The following ABCA12 variants were observed in gnomAD, a reference collection of about 807,000 sequenced individuals.
ABCA12 encodes the protein glucosylceramide transporter ABCA12.
In ABCA12, 156 loss-of-function variants were observed where a neutral mutation model predicts 293.5. That is an observed-to-expected ratio of 0.53 (90% CI 0.47 to 0.61). The LOEUF (loss-of-function observed/expected upper bound fraction) is 0.61. Among genes scored for constraint, ABCA12 ranks in the 20% least tolerant of loss-of-function variants. The pLI is 0.00. For synonymous variants in ABCA12, 1,063 were observed against 1,108.0 expected (o/e 0.96, Z 0.81); for missense variants, 2,797 against 3,090.2 (o/e 0.91, Z 2.25).
At chr2:214,948,574 A>T in intron 47 of ABCA12, 22 bp downstream of exon 47, 2 of 1,613,194 alleles carry the variant, frequency 1.2e-6, no homozygotes, top group Non-Finnish European at 1.7e-6. Context: ...CAAATTAAGT[A>T]ATTTTTCACA....
intron 11 of ABCA12, chr2:215,022,402 T>G (rs1700650074): frequency 1.3e-5 from 2 of 152,208 alleles, no homozygotes; most frequent in Admixed American, 1.3e-4. Context: ...GAGAAGCATA[T>G]CCACCAAGGA....
At chr2:214,988,146 A>G (rs1699827781) in intron 26 of ABCA12, among the ~76,000 whole-genome samples, 1 of 152,200 alleles carries the variant, frequency 6.6e-6, no homozygotes, top group African/African-American at 2.4e-5. Flanking sequence ...AAAAGCCACA[A>G]TTTAATCCCC....
intron 41 of ABCA12, among the ~76,000 whole-genome samples, chr2:214,957,864 G>C (rs983721257): frequency 4.6e-5 from 7 of 152,162 alleles, no homozygotes; most frequent in Non-Finnish European, 8.8e-5. Context: ...TTATAAGCTT[G>C]ATTGTTTGGC....
chr2:215,001,090 A>C, intron 21 of ABCA12, 70 bp from the exon 22 acceptor site: 1 of 1,475,356 alleles, frequency 6.8e-7, no homozygotes, highest in Non-Finnish European at 9.4e-7. Flanking sequence ...TTTGGAGAGT[A>C]CACAGAGGGG....
In ABCA12 at chr2:215,011,549, G is replaced by A; in HGVS notation, c.2222C>T (p.Ala741Val). Residue 741 changes from alanine (A) to valine (V), a missense_variant, in exon 17 of 53, where the codon GCC becomes GTC. Coordinates refer to ENST00000272895, the MANE Select transcript of ABCA12 (RefSeq NM_173076.3). ...SQGITTEYLT[A>V]MLPSSQRPKG... is the part of the protein sequence containing the mutation. ...TGGCCTCTGGGAAGAGGGCAGCATGGCAGTTAAATATTCAGTGGTAATTCC... is the reference window on the plus strand; with the variant it reads ...TGGCCTCTGGGAAGAGGGCAGCATGACAGTTAAATATTCAGTGGTAATTCC... 1.2e-6 allele frequency: 2 copies of A among 1,614,056 alleles called. No homozygotes were observed. Among genetic ancestry groups the A allele is most frequent in the Non-Finnish European group, 1.7e-6 (2 of 1,179,932 alleles).
intron 2 of ABCA12, among the ~76,000 whole-genome samples, chr2:215,094,316 C>G (rs1250777996): frequency 6.6e-6 from 1 of 152,182 alleles, no homozygotes. Context: ...CCTCAGACCC[C>G]ATTGCTCAGG....
chr2:214,987,850 T>G (rs2105973086), intron 26 of ABCA12, 57 bp from the exon 27 acceptor site: 1 of 1,586,928 alleles, frequency 6.3e-7, no homozygotes, highest in African/African-American at 1.3e-5. Context: ...ACATTTATCA[T>G]CAGAAACAAA....
intron 2 of ABCA12, among the ~76,000 whole-genome samples, chr2:215,095,226 T>TA (rs1482038333): frequency 6.6e-6 from 1 of 152,102 alleles, no homozygotes; most frequent in Non-Finnish European, 1.5e-5. Context: ...TATAACAACA[T>TA]AAAAAAACTC....
intron 29 of ABCA12, 71 bp from the exon 30 acceptor site, chr2:214,982,454 C>A: frequency 8.1e-7 from 1 of 1,227,760 alleles, no homozygotes; most frequent in Non-Finnish European, 1.2e-6. Flanking sequence ...ATACAATAAC[C>A]CTAATTGATA....
At chr2:215,027,199 A>T (rs1375441635) in intron 9 of ABCA12, among the ~76,000 whole-genome samples, 1 of 152,010 alleles carries the variant, frequency 6.6e-6, no homozygotes, top group Non-Finnish European at 1.5e-5. Context: ...AAAAAAAATT[A>T]GCCGGGCGTG....
intron 2 of ABCA12, among the ~76,000 whole-genome samples, chr2:215,099,423 G>A (rs1414564712): frequency 2.6e-5 from 4 of 152,180 alleles, no homozygotes; most frequent in Non-Finnish European, 4.4e-5. Context: ...AGCTGGGCGC[G>A]GTGGCTCACG....
rs1387395228 is a variant in ABCA12 at position 215,025,695 on chromosome 2, A to G, written c.1265T>C (p.Val422Ala). The G allele has an allele frequency of 1.2e-6, 2 of 1,609,422 alleles. No individual in the cohort carries two copies. The highest frequency in any genetic ancestry group is 1.7e-6 in the Non-Finnish European group (2 of 1,178,328). The change falls in exon 11 of 53, where the codon GTT becomes GCT. Residue 422 changes from valine (V) to alanine (A), a missense_variant. Physicochemically the swap from Val to Ala is moderately conservative, Grantham distance 64 (BLOSUM62 0). Around this residue, in one of 3 missense-constraint regions of ABCA12, gnomAD observed 656 missense variants for 638.2 expected, o/e 1.03. Coordinates refer to ENST00000272895, the MANE Select transcript of ABCA12 (RefSeq NM_173076.3). ...NGSYEDYFPP[V>A]PEVLKSKLSQ... ...TACTTTTGATTTTAGGACTTCAGGAACTGGAGGAAAGTAATCTTCATAGGA... is the reference window on the plus strand; with the variant it reads ...TACTTTTGATTTTAGGACTTCAGGAGCTGGAGGAAAGTAATCTTCATAGGA...
intron 7 of ABCA12, 54 bp from the exon 8 acceptor site, chr2:215,037,119 A>C (rs984053027): frequency 1.4e-6 from 2 of 1,417,348 alleles, no homozygotes; most frequent in Admixed American, 1.7e-5. Context: ...TTGCAGACAG[A>C]AACAAAAGAT....
At chr2:214,958,891 A>C in intron 40 of ABCA12, 133 bp downstream of exon 40, 1 of 1,007,012 alleles carries the variant, frequency 9.9e-7, no homozygotes, top group East Asian at 2.4e-5. Flanking sequence ...CTTTGATCCC[A>C]GTCAGTGACA....
chr2:215,102,264 A>G (rs1702374776), intron 2 of ABCA12, among the ~76,000 whole-genome samples: 1 of 152,210 alleles, frequency 6.6e-6, no homozygotes, highest in African/African-American at 2.4e-5. Context: ...AAATAAAACT[A>G]ATTTAGTAAA....
rs1042597774 is a variant in ABCA12, at chr2:214,939,354, T to C, written c.7437-1739A>G. On this transcript the variant is annotated intron_variant, in intron 50 of 52. Coordinates refer to ENST00000272895, the MANE Select transcript of ABCA12 (RefSeq NM_173076.3). The stretch of plus-strand genomic sequence containing the variant: ...TTTTGGTACCAGTATCATGCTGTTT[T>C]GGTTACTGTAGCCTTGTGGTATAGT... Among the ~76,000 whole-genome samples the C allele has an allele frequency of 7.9e-5, 12 of 152,224 alleles. No individual in the cohort carries two copies. In the South Asian group the frequency reaches 8.3e-4, roughly 10 times the overall value.
At position 214,975,987 on chromosome 2, in the gene ABCA12, T is replaced by C. The variant is rs775297820; in HGVS notation, c.5179A>G (p.Lys1727Glu). ...ERLDGFGLLLKKIMAILIKRF... is the reference protein window; with the variant it reads ...ERLDGFGLLLEKIMAILIKRF... ...TTGATGAGTATAGCCATGATCTTCT[T>C]CAGCAACAGTCCAAAGCCATCCAGC... Residue 1727 changes from lysine to glutamate, a missense_variant, in exon 34 of 53, where the codon AAG becomes GAG. Physicochemically the swap from Lys to Glu is moderately conservative, Grantham distance 56. Transcript: ENST00000272895. The C allele has an allele frequency of 1.2e-6, 2 of 1,614,078 alleles. No individual in the cohort carries two copies. Among genetic ancestry groups the C allele is most frequent in the Admixed American group, 3.3e-5 (2 of 60,008 alleles).
At chr2:215,036,786 C>T (rs1054776133) in intron 8 of ABCA12, among the ~76,000 whole-genome samples, 167 bp downstream of exon 8, 2 of 152,070 alleles carry the variant, frequency 1.3e-5, no homozygotes, top group Non-Finnish European at 2.9e-5. Flanking sequence ...GGCCATTTCT[C>T]CCTTTCTCCA....
At chr2:214,939,302 G>T (rs1282834186) in intron 50 of ABCA12, among the ~76,000 whole-genome samples, 2 of 152,080 alleles carry the variant, frequency 1.3e-5, no homozygotes, top group African/African-American at 2.4e-5. Flanking sequence ...TGAGGCCTCT[G>T]TTCTGTTCCA....
Sources: allele counts gnomAD v4.1 joint callset (sites outside exome capture counted in the v4.1 genomes callset), GRCh38; gene constraint gnomAD v4.1.1; regional missense constraint gnomAD v4.1.1; transcripts MANE v1.5; gene names NCBI Gene and HGNC (gene_info 2026-07-23, HGNC 2026-07-21).